Variants in MARCO observed in about 807,000 individuals in gnomAD.
The protein encoded by MARCO is macrophage receptor with collagenous structure.
MARCO carries 72 observed loss-of-function variants against 70.0 expected under a neutral mutation model. That is an observed-to-expected ratio of 1.03 (90% CI 0.85 to 1.25). The LOEUF is 1.25. Ranked by LOEUF, MARCO falls within the 50% of genes most tolerant of loss-of-function variation. MARCO has a pLI of 0.00. For missense variants in MARCO, 696 were observed against 659.3 expected (o/e 1.06, Z -0.61); for synonymous variants, 273 against 243.1 (o/e 1.12, Z -1.14).
chr2:118,984,433 T>A (rs1680449035), intron 12 of MARCO, among the ~76,000 whole-genome samples: 1 of 152,216 alleles, frequency 6.6e-6, no homozygotes, highest in Non-Finnish European at 1.5e-5. Flanking sequence ...TTAGGCCTAG[T>A]GGTGAGTACC....
At position 118,946,319 on chromosome 2, in the gene MARCO, C is replaced by T. The variant is rs374040042; in HGVS notation, c.97+3922C>T. Among the ~76,000 whole-genome samples, 40 of 152,198 alleles carry T rather than the reference C, an allele frequency of 2.6e-4. No individual in the cohort carries two copies. In the East Asian group the frequency reaches 2.7e-3, roughly 10 times the overall value. On this transcript the variant is annotated intron_variant, in intron 1 of 16. Transcript: ENST00000327097. ...TTCTATGCTTAAATAACCCCACATACCCCTCACTCCCCCACCAGCAGTCAT... is the reference window on the plus strand; with the variant it reads ...TTCTATGCTTAAATAACCCCACATATCCCTCACTCCCCCACCAGCAGTCAT...
At chr2:118,957,639 C>T (rs1206977383) in intron 1 of MARCO, among the ~76,000 whole-genome samples, 2 of 152,084 alleles carry the variant, frequency 1.3e-5, no homozygotes, top group African/African-American at 2.4e-5. Context: ...AAAGAAGGAA[C>T]CCTCCCTAAT....
At chr2:118,969,122 C>T in intron 1 of MARCO, 38 bp from the exon 2 acceptor site, 2 of 1,450,934 alleles carry the variant, frequency 1.4e-6, no homozygotes, top group Non-Finnish European at 9.7e-7. Flanking sequence ...GTGCTGTGTT[C>T]TCTGCAGCAG....
intron 1 of MARCO, among the ~76,000 whole-genome samples, chr2:118,958,183 C>T (rs543137339): frequency 9.2e-5 from 14 of 151,870 alleles, no homozygotes; most frequent in Non-Finnish European, 1.9e-4. Context: ...AAAAGGGCAT[C>T]CAAATTGGTA....
chr2:118,959,384 G>A (rs942369454), intron 1 of MARCO, among the ~76,000 whole-genome samples: 1 of 152,118 alleles, frequency 6.6e-6, no homozygotes, highest in Non-Finnish European at 1.5e-5. Flanking sequence ...GTGAAAAAAT[G>A]CTCAACATCA....
At chr2:118,976,729 G>A (rs146697339) in intron 6 of MARCO, among the ~76,000 whole-genome samples, 74 of 152,300 alleles carry the variant, frequency 4.9e-4, no homozygotes, top group African/African-American at 1.7e-3. Flanking sequence ...GAATACTTAA[G>A]TGACTTTTCC....
At chr2:118,994,218 AAC>A (rs869052942) in intron 16 of MARCO, among the ~76,000 whole-genome samples, 167 bp from the exon 17 acceptor site, 2 of 152,108 alleles carry the variant, frequency 1.3e-5, no homozygotes, top group South Asian at 4.2e-4. Flanking sequence ...CAACAACAAC[AAC>A]AAAAACAGGC....
intron 4 of MARCO, among the ~76,000 whole-genome samples, chr2:118,973,521 C>G: frequency 6.6e-6 from 1 of 152,192 alleles, no homozygotes; most frequent in Admixed American, 6.5e-5. Context: ...CTCCAGATTC[C>G]CCGCCCATCA....
At chr2:118,953,555 G>A (rs1271309098) in intron 1 of MARCO, among the ~76,000 whole-genome samples, 2 of 152,138 alleles carry the variant, frequency 1.3e-5, no homozygotes, top group Non-Finnish European at 2.9e-5. Context: ...TGGGGGGAAC[G>A]ATGGTGGATG....
Position 118,993,111 on chromosome 2 carries a change from T to C in MARCO, c.1253-13T>C. The C allele has an allele frequency of 6.2e-7, 1 of 1,613,916 alleles. No individual in the cohort carries two copies. On this transcript the variant is annotated splice_polypyrimidine_tract_variant and intron_variant, in intron 15 of 16. Transcript: ENST00000327097. ...GCCTTCCTTGCCTCTCCCATGTGTGTTTCTTCACCCAGGTGAAAACTCAGT... is the reference window on the plus strand; with the variant it reads ...GCCTTCCTTGCCTCTCCCATGTGTGCTTCTTCACCCAGGTGAAAACTCAGT...
chr2:118,990,578 T>C lies in MARCO; in HGVS notation c.1064-11T>C. On this transcript the variant is annotated splice_polypyrimidine_tract_variant and intron_variant, in intron 12 of 16. Coordinates refer to ENST00000327097, the MANE Select transcript of MARCO (RefSeq NM_006770.4). ...ATCTCCTCCCCCCCCCCTTTTTTGT[T>C]TTGATCTTAGGACTTCAAGGACAGC... is the stretch of plus-strand genomic sequence containing the variant. The C allele has an allele frequency of 8.4e-7, 1 of 1,194,596 alleles. No homozygotes were observed. The highest frequency in any genetic ancestry group is 1.2e-5 in the South Asian group (1 of 84,782). 74.0% of individuals were successfully genotyped at this position (1,194,596 alleles called of 1,614,324 possible).
chr2:118,946,372 C>A (rs1204036640), intron 1 of MARCO, among the ~76,000 whole-genome samples: 1 of 152,166 alleles, frequency 6.6e-6, no homozygotes, highest in African/African-American at 2.4e-5. Flanking sequence ...TAATCTGCTT[C>A]CCATCTCTAT....
At chr2:118,993,595 A>C (rs991901617) in intron 16 of MARCO, among the ~76,000 whole-genome samples, 2 of 152,166 alleles carry the variant, frequency 1.3e-5, no homozygotes, top group Non-Finnish European at 2.9e-5. Flanking sequence ...TGTTTGCCGC[A>C]GATGGCTCTC....
intron 1 of MARCO, among the ~76,000 whole-genome samples, chr2:118,944,527 T>A (rs1175311804): frequency 2.0e-5 from 3 of 152,212 alleles, no homozygotes; most frequent in African/African-American, 7.2e-5. Flanking sequence ...ATCTTAAAAT[T>A]CCCACATATG....
intron 1 of MARCO, among the ~76,000 whole-genome samples, chr2:118,948,943 G>T (rs539820980): frequency 6.6e-6 from 1 of 152,272 alleles, no homozygotes; most frequent in East Asian, 1.9e-4. Flanking sequence ...CCATACATCC[G>T]CTAAGGGCAG....
At chr2:118,963,642 T>A (rs1347881870) in intron 1 of MARCO, among the ~76,000 whole-genome samples, 1 of 152,164 alleles carries the variant, frequency 6.6e-6, no homozygotes, top group Non-Finnish European at 1.5e-5. Flanking sequence ...TTCTGTAACT[T>A]TGCAGAGTTT....
At chr2:118,968,747 C>T (rs1184839601) in intron 1 of MARCO, among the ~76,000 whole-genome samples, 1 of 152,168 alleles carries the variant, frequency 6.6e-6, no homozygotes, top group Admixed American at 6.5e-5. Flanking sequence ...TTCTCCAAGT[C>T]TCACTACTTG....
rs778750243 is a variant in MARCO, at chr2:118,942,429, C to T, written c.97+32C>T. 1.8e-5 allele frequency: 27 copies of T among 1,499,084 alleles called. No homozygotes were observed. In the Admixed American group the frequency reaches 4.2e-4, roughly 23 times the overall value. The allele number at this position is 1,499,084 out of a possible 1,614,324, so 92.9% of individuals were successfully genotyped here. On this transcript the variant is annotated intron_variant, in intron 1 of 16. Coordinates refer to ENST00000327097, the MANE Select transcript of MARCO (RefSeq NM_006770.4). ...TACGATTCCCCAATAATGGAAATGA[C>T]CAGAAATGTAGTCTTTCTGCTAGCG...
chr2:118,959,533 G>A (rs1248825236), intron 1 of MARCO, among the ~76,000 whole-genome samples: 1 of 152,178 alleles, frequency 6.6e-6, no homozygotes, highest in Non-Finnish European at 1.5e-5. Flanking sequence ...CTACACTGCT[G>A]GTAGGAATGT....
Sources: allele counts gnomAD v4.1 joint callset (sites outside exome capture counted in the v4.1 genomes callset), GRCh38; gene constraint gnomAD v4.1.1; transcripts MANE v1.5; gene names NCBI Gene and HGNC (gene_info 2026-07-23, HGNC 2026-07-21).